Variants in UBE2L3 observed in about 807,000 individuals in gnomAD.
UBE2L3 encodes ubiquitin-conjugating enzyme E2 L3.
A neutral mutation model predicts 17.8 loss-of-function variants in UBE2L3; 1 was observed. The ratio of observed to expected loss-of-function variants is 0.06; its 90% CI spans 0.02 to 0.27. The LOEUF (loss-of-function observed/expected upper bound fraction) is 0.27, where lower values mean the gene tolerates loss of function less well. Among genes scored for constraint, UBE2L3 ranks in the 10% least tolerant of loss-of-function variants. The pLI is 1.00. For synonymous variants in UBE2L3, 44 were observed against 68.5 expected (o/e 0.64, Z 1.76); for missense variants, 40 against 192.6 (o/e 0.21, Z 4.69).
intron 1 of UBE2L3, among the ~76,000 whole-genome samples, chr22:21,557,662 A>G (rs1298140067): frequency 6.6e-6 from 1 of 152,166 alleles, no homozygotes; most frequent in Non-Finnish European, 1.5e-5. Flanking sequence ...AGCTGGGAAT[A>G]CAGGTGCCCG....
intron 2 of UBE2L3, among the ~76,000 whole-genome samples, chr22:21,596,965 A>G (rs898347410): frequency 6.6e-6 from 1 of 151,602 alleles, no homozygotes; most frequent in African/African-American, 2.4e-5. Context: ...ATGTTTTTGC[A>G]TGGTGTGTTT....
intron 1 of UBE2L3, among the ~76,000 whole-genome samples, chr22:21,576,463 A>C (rs1327825273): frequency 1.3e-5 from 2 of 151,474 alleles, no homozygotes; most frequent in Non-Finnish European, 2.9e-5. Flanking sequence ...ATGCCCAGCT[A>C]ATTTTTTTGT....
intron 2 of UBE2L3, among the ~76,000 whole-genome samples, chr22:21,610,486 G>T (rs1929421192): frequency 6.6e-6 from 1 of 152,202 alleles, no homozygotes; most frequent in African/African-American, 2.4e-5. Context: ...TAACAAATTT[G>T]CCCCTCTGGT....
chr22:21,590,654 A>T (rs149400379), intron 1 of UBE2L3, among the ~76,000 whole-genome samples: 1 of 151,894 alleles, frequency 6.6e-6, no homozygotes. Flanking sequence ...TGTGTGGCAT[A>T]TTTTTTTCCT....
intron 1 of UBE2L3, among the ~76,000 whole-genome samples, chr22:21,555,848 C>T (rs1160355097): frequency 6.6e-6 from 1 of 152,232 alleles, no homozygotes; most frequent in Non-Finnish European, 1.5e-5. Context: ...AGGAGAATCA[C>T]TTGAACCCAG....
chr22:21,586,245 G>T (rs1156409384), intron 1 of UBE2L3, among the ~76,000 whole-genome samples: 1 of 151,892 alleles, frequency 6.6e-6, no homozygotes, highest in Non-Finnish European at 1.5e-5. Flanking sequence ...CTGGCTCCTG[G>T]CCTAGATTTA....
At chr22:21,616,935 G>A (rs1449106670) in intron 3 of UBE2L3, among the ~76,000 whole-genome samples, 1 of 151,912 alleles carries the variant, frequency 6.6e-6, no homozygotes, top group East Asian at 1.9e-4. Flanking sequence ...AAAGGGCCAG[G>A]CACGGTGGCT....
At chr22:21,566,984 T>C (rs1231273123), upstream of UBE2L3, among the ~76,000 whole-genome samples, 1 of 152,080 alleles carries the variant, frequency 6.6e-6, no homozygotes, top group Non-Finnish European at 1.5e-5. Flanking sequence ...TGCTAACGTA[T>C]CCCAGAGGAT....
rs79925153 is a variant in UBE2L3, at chr22:21,590,127, G to A, written c.28-2734G>A. Among the ~76,000 whole-genome samples the A allele has an allele frequency of 7.8e-3, 1,180 of 152,200 alleles. 6 individuals carry two copies. Among genetic ancestry groups the A allele is most frequent in the Middle Eastern group, 0.058 (17 of 294 alleles). ...TTTTTCACTCTCATGTTACAGTTGA[G>A]TTCCATCTTGCCATATTTTTATAAT... On this transcript the variant is annotated intron_variant, in intron 1 of 3. Coordinates refer to ENST00000342192, the MANE Select transcript of UBE2L3 (RefSeq NM_003347.4).
Position 21,621,690 on chromosome 22 carries a change from A to G in UBE2L3, c.*21A>G. On this transcript the variant is annotated 3_prime_UTR_variant, in exon 4 of 4. Coordinates refer to ENST00000342192, the MANE Select transcript of UBE2L3 (RefSeq NM_003347.4). ...ACTAAAATCTGCCACGATTGGTTCC[A>G]GCAAGTGTGAGCAGAGACCCCGTGC... The G allele has an allele frequency of 6.3e-7, 1 of 1,578,540 alleles. No homozygotes were observed. Among genetic ancestry groups the G allele is most frequent in the Non-Finnish European group, 8.7e-7 (1 of 1,154,446 alleles).
chr22:21,610,515 G>C (rs1929423312), intron 2 of UBE2L3, among the ~76,000 whole-genome samples: 1 of 152,176 alleles, frequency 6.6e-6, no homozygotes, highest in Non-Finnish European at 1.5e-5. Flanking sequence ...CTGATAGTGG[G>C]AAAAGCTGTG....
chr22:21,593,836 G>T (rs1025869262), intron 2 of UBE2L3, among the ~76,000 whole-genome samples: 1 of 152,030 alleles, frequency 6.6e-6, no homozygotes, highest in African/African-American at 2.4e-5. Flanking sequence ...CCTGCCACTC[G>T]CTCCTGTTCT....
At position 21,614,437 on chromosome 22, in the gene UBE2L3, A is replaced by G. The variant is rs1237425153; in HGVS notation, c.310+3394A>G. Reference sequence around the variant, plus strand: ...AAACCCCGTCTGTACCAAAAAAAAAAAAAGAAAGAAAGAAAGGGAAAAAGC... The same window carrying G: ...AAACCCCGTCTGTACCAAAAAAAAAGAAAGAAAGAAAGAAAGGGAAAAAGC... On this transcript the variant is annotated intron_variant, in intron 3 of 3. Transcript: ENST00000342192. 17 of 548,686 alleles carry G rather than the reference A, an allele frequency of 3.1e-5. 1 individual carries two copies. Among genetic ancestry groups the G allele is most frequent in the South Asian group, 2.2e-4 (13 of 60,400 alleles). 34.0% of individuals were successfully genotyped at this position (548,686 alleles called of 1,614,324 possible).
intron 1 of UBE2L3, among the ~76,000 whole-genome samples, chr22:21,561,952 A>G (rs1362192520): frequency 2.0e-5 from 3 of 152,114 alleles, no homozygotes; most frequent in Non-Finnish European, 4.4e-5. Context: ...CTATGGTGCC[A>G]ATGAAGGGTA....
intron 1 of UBE2L3, among the ~76,000 whole-genome samples, chr22:21,583,979 G>A (rs1927789221): frequency 2.0e-5 from 3 of 152,042 alleles, no homozygotes; most frequent in Non-Finnish European, 4.4e-5. Context: ...GGGTTCAAGC[G>A]ATTCTCCTGC....
intron 2 of UBE2L3, among the ~76,000 whole-genome samples, chr22:21,605,194 G>C (rs200106996): frequency 6.6e-6 from 1 of 152,128 alleles, no homozygotes; most frequent in East Asian, 1.9e-4. Flanking sequence ...ACTTGTTTTT[G>C]TTTTGTTTTG....
intron 2 of UBE2L3, among the ~76,000 whole-genome samples, chr22:21,599,785 TTTTG>T (rs1318113180): frequency 2.0e-5 from 3 of 152,142 alleles, no homozygotes; most frequent in Non-Finnish European, 4.4e-5. Flanking sequence ...TGGTGGGATT[TTTTG>T]TTTGTTTTGT....
chr22:21,587,105 C>G lies in UBE2L3; in HGVS notation c.28-5756C>G, dbSNP rs188040718. On this transcript the variant is annotated intron_variant, in intron 1 of 3. Transcript: ENST00000342192. ...TTCACCATGTCAGCCAGGCTGGTCTCAAACTCCTGGCCTCAAGTGATCCAC... is the reference window on the plus strand; with the variant it reads ...TTCACCATGTCAGCCAGGCTGGTCTGAAACTCCTGGCCTCAAGTGATCCAC... Among the ~76,000 whole-genome samples, 566 of 151,980 alleles carry G rather than the reference C, an allele frequency of 3.7e-3. 14 individuals carry two copies. The highest frequency in any genetic ancestry group is 0.036 in the Admixed American group (541 of 15,226).
chr22:21,571,346 G>C (rs1302099113), intron 1 of UBE2L3, among the ~76,000 whole-genome samples: 1 of 152,162 alleles, frequency 6.6e-6, no homozygotes, highest in Non-Finnish European at 1.5e-5. Context: ...TCCCAGAAGG[G>C]CTTTTCTCAG....
Sources: allele counts gnomAD v4.1 joint callset (sites outside exome capture counted in the v4.1 genomes callset), GRCh38; gene constraint gnomAD v4.1.1; transcripts MANE v1.5; gene names NCBI Gene and HGNC (gene_info 2026-07-23, HGNC 2026-07-21).